The following TBC1D22A variants were observed in gnomAD, a reference collection of about 807,000 sequenced individuals.
The protein encoded by TBC1D22A is TBC1 domain family member 22A.
Under a neutral mutation model 60.2 loss-of-function variants are expected in TBC1D22A, and 38 were observed. The ratio of observed to expected loss-of-function variants is 0.63; its 90% CI spans 0.49 to 0.83. TBC1D22A has a LOEUF of 0.83. TBC1D22A is among the 40% of genes least tolerant of loss of function. The pLI is 0.00. For missense variants in TBC1D22A, 628 were observed against 701.0 expected (o/e 0.90, Z 1.18); for synonymous variants, 302 against 281.7 (o/e 1.07, Z -0.72).
intron 12 of TBC1D22A, among the ~76,000 whole-genome samples, chr22:47,171,828 G>T (rs1408135638): frequency 6.6e-6 from 1 of 152,176 alleles, no homozygotes; most frequent in African/African-American, 2.4e-5. Context: ...CATCTCCTCA[G>T]TGTCCGCATC....
At chr22:46,957,466 G>T (rs1217066200) in intron 8 of TBC1D22A, among the ~76,000 whole-genome samples, 3 of 152,238 alleles carry the variant, frequency 2.0e-5, no homozygotes, top group African/African-American at 4.8e-5. Flanking sequence ...CAGGGGAAAT[G>T]TCGGATGCTT....
chr22:47,065,130 G>A (rs909953334), intron 11 of TBC1D22A, among the ~76,000 whole-genome samples: 2 of 152,102 alleles, frequency 1.3e-5, no homozygotes, highest in African/African-American at 4.8e-5. Flanking sequence ...CAAGTAGCTG[G>A]GATTACAGGT....
intron 8 of TBC1D22A, among the ~76,000 whole-genome samples, chr22:46,919,437 G>A (rs996624622): frequency 6.6e-6 from 1 of 152,230 alleles, no homozygotes; most frequent in African/African-American, 2.4e-5. Flanking sequence ...TTCATTTTTC[G>A]ACTAATATTG....
chr22:47,046,707 C>A (rs2063043738), intron 11 of TBC1D22A, among the ~76,000 whole-genome samples: 3 of 152,182 alleles, frequency 2.0e-5, no homozygotes, highest in East Asian at 3.9e-4. Flanking sequence ...GCCTGGGCCC[C>A]CTGAAGCCTC....
At chr22:46,941,329 A>G (rs1161144063) in intron 8 of TBC1D22A, among the ~76,000 whole-genome samples, 1 of 119,602 alleles carries the variant, frequency 8.4e-6, no homozygotes, top group Non-Finnish European at 1.7e-5. Flanking sequence ...GGACTGGGGC[A>G]CTACAATATA....
chr22:46,933,823 G>A (rs1006117223), intron 8 of TBC1D22A, among the ~76,000 whole-genome samples: 1 of 152,244 alleles, frequency 6.6e-6, no homozygotes, highest in Non-Finnish European at 1.5e-5. Flanking sequence ...GTAGCCACAC[G>A]TGGCTTGGTT....
intron 9 of TBC1D22A, among the ~76,000 whole-genome samples, chr22:46,986,622 T>G (rs1406736794): frequency 6.6e-6 from 1 of 152,224 alleles, no homozygotes; most frequent in Non-Finnish European, 1.5e-5. Flanking sequence ...GAATATTTTG[T>G]TTTTTTCTGA....
At chr22:47,004,437 A>C (rs1029546366) in intron 10 of TBC1D22A, among the ~76,000 whole-genome samples, 1 of 149,604 alleles carries the variant, frequency 6.7e-6, no homozygotes, top group African/African-American at 2.5e-5. Context: ...CCAGCCCTAC[A>C]CATACCCCTA....
chr22:46,783,889 T>C (rs1432781717), intron 1 of TBC1D22A, among the ~76,000 whole-genome samples: 1 of 152,216 alleles, frequency 6.6e-6, no homozygotes, highest in Non-Finnish European at 1.5e-5. Context: ...TCATCTCCTG[T>C]GTGCTTGTGC....
At chr22:46,789,263 T>G (rs1346251193) in intron 1 of TBC1D22A, 2 of 309,426 alleles carry the variant, frequency 6.5e-6, no homozygotes, top group Non-Finnish European at 1.4e-5. Context: ...GTAGCTGGGA[T>G]TACAGGCACG....
At chr22:47,160,530 G>A (rs1008413043) in intron 12 of TBC1D22A, among the ~76,000 whole-genome samples, 3 of 152,210 alleles carry the variant, frequency 2.0e-5, no homozygotes, top group African/African-American at 7.2e-5. Flanking sequence ...CCTGGGCTCC[G>A]GGGCAGTGGG....
rs1014398159 is a variant in TBC1D22A at position 46,830,362 on chromosome 22, C to T, written c.637+32742C>T. Among the ~76,000 whole-genome samples, 3 of 152,230 alleles carry T rather than the reference C, an allele frequency of 2.0e-5. No homozygotes were observed. In the South Asian group the frequency reaches 6.2e-4, roughly 32 times the overall value. The stretch of plus-strand genomic sequence containing the variant: ...GTAGGGCCCTATTCTCAATAAATGA[C>T]AGATCAGTGATTGCAGTGTTTCCAG... On this transcript the variant is annotated intron_variant, in intron 4 of 12. Transcript: ENST00000337137.
At chr22:46,845,901 C>T (rs968096597) in intron 4 of TBC1D22A, among the ~76,000 whole-genome samples, 4 of 152,202 alleles carry the variant, frequency 2.6e-5, no homozygotes, top group South Asian at 4.1e-4. Flanking sequence ...CGCGGCGAGC[C>T]GATTCCAGGA....
At chr22:46,898,812 T>A (rs2068824610) in intron 7 of TBC1D22A, among the ~76,000 whole-genome samples, 1 of 152,222 alleles carries the variant, frequency 6.6e-6, no homozygotes, top group Admixed American at 6.5e-5. Context: ...GTAGCCATCT[T>A]ATTTTGGAAC....
At chr22:46,895,663 C>T (rs1221409344) in intron 7 of TBC1D22A, among the ~76,000 whole-genome samples, 3 of 152,188 alleles carry the variant, frequency 2.0e-5, no homozygotes, top group Non-Finnish European at 2.9e-5. Context: ...TGAGCCACGG[C>T]GCCCGGCGTC....
intron 11 of TBC1D22A, among the ~76,000 whole-genome samples, chr22:47,067,003 C>T (rs767043473): frequency 9.2e-5 from 14 of 152,178 alleles, no homozygotes; most frequent in Admixed American, 2.6e-4. Context: ...CGGTGGCTCA[C>T]GCCTGTAATC....
intron 11 of TBC1D22A, among the ~76,000 whole-genome samples, chr22:47,093,393 G>A (rs190754225): frequency 3.5e-4 from 53 of 152,182 alleles, no homozygotes; most frequent in African/African-American, 1.2e-3. Flanking sequence ...TTGCTGGTGT[G>A]CATTTTTCTG....
intron 7 of TBC1D22A, among the ~76,000 whole-genome samples, chr22:46,900,489 T>C (rs1163661025): frequency 2.0e-5 from 3 of 152,162 alleles, no homozygotes; most frequent in African/African-American, 7.2e-5. Flanking sequence ...CTCCCTAATA[T>C]GTGATACAGA....
intron 12 of TBC1D22A, among the ~76,000 whole-genome samples, chr22:47,133,358 C>T (rs751065522): frequency 6.6e-6 from 1 of 152,186 alleles, no homozygotes; most frequent in African/African-American, 2.4e-5. Flanking sequence ...GGGGTGGGGC[C>T]TCTGAAGTAC....
Sources: gnomAD v4.1 joint callset for allele counts (sites outside exome capture counted in the v4.1 genomes callset) on GRCh38, gnomAD v4.1.1 for gene constraint, MANE v1.5 for transcripts, NCBI Gene and HGNC (gene_info 2026-07-23, HGNC 2026-07-21) for gene names.